The following GRM5 variants were observed in gnomAD, a reference collection of about 807,000 sequenced individuals.
GRM5 encodes metabotropic glutamate receptor 5.
A neutral mutation model predicts 83.1 loss-of-function variants in GRM5; 19 were observed. The ratio of observed to expected loss-of-function variants is 0.23; its 90% confidence interval spans 0.16 to 0.34. The LOEUF is 0.34. GRM5 is among the 10% of genes least tolerant of loss of function. The probability of loss-of-function intolerance (pLI) is 1.00; values close to 1 mark genes in which losing one functional copy is unlikely to be tolerated. For synonymous variants in GRM5, 675 were observed against 633.6 expected, an observed-to-expected ratio of 1.07 and a Z score of -0.98; for missense variants, 1,160 against 1,588.3, an observed-to-expected ratio of 0.73 and a Z score of 4.58.
chr11:88,998,413 T>G (rs1292609042), intron 2 of GRM5, among the ~76,000 whole-genome samples: 1 of 152,108 alleles, frequency 6.6e-6, no homozygotes, highest in Non-Finnish European at 1.5e-5. Context: ...AATATAGGAA[T>G]AGAGAGAAAT....
At chr11:88,630,574 AAC>A (rs1488807341) in intron 4 of GRM5, among the ~76,000 whole-genome samples, 2 of 15,938 alleles carry the variant, frequency 1.3e-4, no homozygotes, top group Admixed American at 1.7e-3. Context: ...CACACACACA[AAC>A]ACACACACAC....
intron 2 of GRM5, among the ~76,000 whole-genome samples, chr11:88,959,735 A>G (rs1293142277): frequency 2.0e-5 from 3 of 152,154 alleles, no homozygotes; most frequent in Non-Finnish European, 4.4e-5. Flanking sequence ...TCAGCCAGAG[A>G]CACAGAGCTC....
At chr11:89,037,817 G>T (rs2212334) in intron 2 of GRM5, among the ~76,000 whole-genome samples, 6,030 of 152,100 alleles carry the variant, frequency 0.04, 402 homozygotes, top group African/African-American at 0.13. Flanking sequence ...CATTTCTCTA[G>T]AAAAGTATTT....
chr11:88,984,844 T>C (rs181758816), intron 2 of GRM5: 11 of 724,630 alleles, frequency 1.5e-5, no homozygotes, highest in South Asian at 9.2e-5. Flanking sequence ...AATCATTCCA[T>C]CTAATTTCTT....
At position 88,509,225 on chromosome 11, in the gene GRM5, A is replaced by G. The variant is rs201661727; in HGVS notation, c.3006T>C (p.Asp1002=). Residue 1002 remains aspartate, a synonymous_variant, in exon 10 of 10, where the codon GAT becomes GAC. Coordinates refer to ENST00000305447, the MANE Select transcript of GRM5 (RefSeq NM_001143831.3). Reference sequence around the variant, plus strand: ...GGAAGTGCTCCTCAGCCTCGGCCACATCATACAGCGCCTTGGGGCCGGCGT... The same window carrying G: ...GGAAGTGCTCCTCAGCCTCGGCCACGTCATACAGCGCCTTGGGGCCGGCGT... The part of the protein sequence containing the change: ...SPDAGPKALY[D]VAEAEEHFPA... 273 of 1,526,138 alleles carry G rather than the reference A, an allele frequency of 1.8e-4. 1 individual carries two copies. Among genetic ancestry groups the G allele is most frequent in the Admixed American group, 4.7e-4 (23 of 49,052 alleles). 94.5% of individuals were successfully genotyped at this position (1,526,138 alleles called of 1,614,324 possible).
rs529671817 is a variant in GRM5, at chr11:88,992,526, C to T, written c.661+54686G>A. On this transcript the variant is annotated intron_variant, in intron 2 of 9. Transcript: ENST00000305447. Reference sequence around the variant, plus strand: ...GCCAACCCATTACTGGGTATATACCCGAAGGATTATAAATCATGCTGCTAT... The same window carrying T: ...GCCAACCCATTACTGGGTATATACCTGAAGGATTATAAATCATGCTGCTAT... 7.9e-5 allele frequency among the ~76,000 whole-genome samples: 12 copies of T among 152,056 alleles called. No individual in the cohort carries two copies. In the South Asian group the frequency reaches 8.3e-4, roughly 11 times the overall value.
intron 2 of GRM5, among the ~76,000 whole-genome samples, chr11:89,017,249 C>G (rs1940880698): frequency 6.6e-6 from 1 of 152,122 alleles, no homozygotes; most frequent in African/African-American, 2.4e-5. Flanking sequence ...TACCTTGGCT[C>G]TAGTCTGTAG....
intron 2 of GRM5, among the ~76,000 whole-genome samples, chr11:88,905,783 T>C (rs968635550): frequency 6.6e-6 from 1 of 152,148 alleles, no homozygotes; most frequent in African/African-American, 2.4e-5. Flanking sequence ...TCCTACTAAA[T>C]GCCAGACACT....
chr11:88,708,469 T>C (rs942160642), intron 3 of GRM5, among the ~76,000 whole-genome samples: 1 of 152,022 alleles, frequency 6.6e-6, no homozygotes, highest in Non-Finnish European at 1.5e-5. Context: ...ACTAAAGACT[T>C]TGAGGTATGA....
intron 2 of GRM5, among the ~76,000 whole-genome samples, chr11:89,018,707 A>G (rs537205215): frequency 2.0e-5 from 3 of 152,190 alleles, no homozygotes; most frequent in African/African-American, 7.2e-5. Flanking sequence ...GATAGTGGGA[A>G]GTTATGGGAT....
At chr11:88,959,418 T>C (rs1229389139) in intron 2 of GRM5, among the ~76,000 whole-genome samples, 10 of 151,912 alleles carry the variant, frequency 6.6e-5, no homozygotes, top group Non-Finnish European at 8.8e-5. Flanking sequence ...GTTCAGATGC[T>C]GAACATAAAA....
intron 3 of GRM5, among the ~76,000 whole-genome samples, chr11:88,797,282 T>C (rs1373443852): frequency 6.6e-6 from 1 of 152,110 alleles, no homozygotes; most frequent in African/African-American, 2.4e-5. Flanking sequence ...CCCAAGTAGC[T>C]GGGTTTACAG....
intron 2 of GRM5, among the ~76,000 whole-genome samples, chr11:88,899,354 A>G (rs539327872): frequency 1.3e-5 from 2 of 152,086 alleles, no homozygotes; most frequent in Non-Finnish European, 2.9e-5. Context: ...TAGGAGAGTA[A>G]TATAACCATT....
At chr11:88,623,240 C>A (rs984689268) in intron 4 of GRM5, among the ~76,000 whole-genome samples, 17 of 152,154 alleles carry the variant, frequency 1.1e-4, no homozygotes, top group African/African-American at 3.9e-4. Context: ...TGCCCACCAC[C>A]ATGCCCGGCT....
At chr11:88,771,366 C>T (rs4753731) in intron 3 of GRM5, among the ~76,000 whole-genome samples, 8,086 of 152,094 alleles carry the variant, frequency 0.053, 403 homozygotes, top group Admixed American at 0.16. Flanking sequence ...CCTAAAAGTA[C>T]GGAAACTGAC....
Position 88,543,844 on chromosome 11 carries a change from C to A in GRM5, c.2631-18440G>T, listed in dbSNP as rs548942288. Among the ~76,000 whole-genome samples, 16 of 152,174 alleles carry A rather than the reference C, an allele frequency of 1.1e-4. No individual in the cohort carries two copies. In the South Asian group the frequency reaches 3.1e-3, roughly 30 times the overall value. On this transcript the variant is annotated intron_variant, in intron 8 of 9. Transcript: ENST00000305447. The stretch of plus-strand genomic sequence containing the variant: ...GCCTAACCTATCATCTAGCCCATAG[C>A]AGATAACATGGTTGCTATAGCTTGA...
intron 3 of GRM5, among the ~76,000 whole-genome samples, chr11:88,740,617 T>C (rs1942007265): frequency 6.6e-6 from 1 of 151,908 alleles, no homozygotes; most frequent in Admixed American, 6.6e-5. Context: ...AGTGACAGAG[T>C]TGAGATTAGG....
Position 88,509,470 on chromosome 11 carries a change from C to T in GRM5, c.2761G>A (p.Glu921Lys). The T allele has an allele frequency of 6.2e-7, 1 of 1,612,366 alleles. No individual in the cohort carries two copies. The highest frequency in any genetic ancestry group is 2.2e-5 in the East Asian group (1 of 44,812). ...AGGTGCTGCCCCCGGCTGCTCTTCT[C>T]ATTCTGGGCCCACGTGACGGATTTT... ...NGKSVTWAQN[E>K]KSSRGQHLWQ... The change falls in exon 10 of 10, where the codon GAG (glutamate) becomes AAG (lysine). Residue 921 changes from glutamate (E) to lysine (K), a missense_variant. Physicochemically the swap from Glu to Lys is moderately conservative, Grantham distance 56. Around this residue, in one of 9 missense-constraint regions of GRM5, gnomAD observed 562 missense variants for 532.4 expected, o/e 1.06. Transcript: ENST00000305447.
At chr11:88,775,496 TG>T (rs1251858628) in intron 3 of GRM5, among the ~76,000 whole-genome samples, 3 of 152,206 alleles carry the variant, frequency 2.0e-5, no homozygotes, top group Non-Finnish European at 1.5e-5. Context: ...TGAATGTGTT[TG>T]CTCTTGCTTC....
Sources: gnomAD v4.1 joint callset for allele counts (sites outside exome capture counted in the v4.1 genomes callset) on GRCh38, gnomAD v4.1.1 for gene constraint, gnomAD v4.1.1 regional missense constraint, MANE v1.5 for transcripts, NCBI Gene and HGNC (gene_info 2026-07-23, HGNC 2026-07-21) for gene names.